The following TOX3 variants were observed in gnomAD, a reference collection of about 807,000 sequenced individuals.
TOX3 encodes the protein CAG trinucleotide repeat-containing gene F9 protein.
Under a neutral mutation model 64.3 loss-of-function variants are expected in TOX3, and 22 were observed. The ratio of observed to expected loss-of-function variants is 0.34; its 90% CI spans 0.24 to 0.49. TOX3 has a LOEUF of 0.49. Among genes scored for constraint, TOX3 ranks in the 20% least tolerant of loss-of-function variants. The pLI is 0.99. For missense variants in TOX3, 661 were observed against 714.4 expected (o/e 0.93, Z 0.85); for synonymous variants, 291 against 273.6 (o/e 1.06, Z -0.63).
At chr16:52,506,778 T>G (rs1962173214) in intron 1 of TOX3, among the ~76,000 whole-genome samples, 1 of 152,156 alleles carries the variant, frequency 6.6e-6, no homozygotes, top group Admixed American at 6.5e-5. Context: ...AAAAACATGA[T>G]TGAATCACAT....
At chr16:52,515,862 G>A (rs920835804) in intron 1 of TOX3, among the ~76,000 whole-genome samples, 1 of 152,104 alleles carries the variant, frequency 6.6e-6, no homozygotes, top group Non-Finnish European at 1.5e-5. Context: ...TCCAAAAAGT[G>A]TACAAATTAT....
chr16:52,474,227 A>G, intron 1 of TOX3, among the ~76,000 whole-genome samples: 1 of 152,016 alleles, frequency 6.6e-6, no homozygotes. Context: ...TCATCAGGAG[A>G]TTCTGTTGGC....
chr16:52,468,598 C>T (rs570963050), intron 1 of TOX3, 24 bp from the exon 2 acceptor site: 65 of 1,546,682 alleles, frequency 4.2e-5, no homozygotes, highest in South Asian at 2.0e-4. Context: ...GATTGTTTTA[C>T]GTTAATATGC....
intron 1 of TOX3, among the ~76,000 whole-genome samples, chr16:52,536,125 T>C (rs1306021129): frequency 6.6e-6 from 1 of 152,200 alleles, no homozygotes; most frequent in Non-Finnish European, 1.5e-5. Context: ...ATGTACCATG[T>C]GCATCAAAGT....
intron 2 of TOX3, among the ~76,000 whole-genome samples, chr16:52,465,002 A>ATTTTTTTTTTTTTTTTTTTTTTTTT (rs1340719697): frequency 1.6e-5 from 1 of 60,978 alleles, no homozygotes; most frequent in African/African-American, 7.5e-5. Context: ...GTCTTAATGC[A>ATTTTTTTTTTTTTTTTTTTTTTTTT]TTCTTTTTTT....
At chr16:52,508,631 T>C (rs909051528) in intron 1 of TOX3, among the ~76,000 whole-genome samples, 1 of 152,144 alleles carries the variant, frequency 6.6e-6, no homozygotes, top group African/African-American at 2.4e-5. Context: ...AGATGTATGG[T>C]AAAATTTTAT....
At chr16:52,473,173 G>A (rs978644463) in intron 1 of TOX3, among the ~76,000 whole-genome samples, 2 of 152,088 alleles carry the variant, frequency 1.3e-5, no homozygotes, top group African/African-American at 2.4e-5. Flanking sequence ...CAAAGCGGCC[G>A]GAAGAAAGTG....
At chr16:52,507,324 GC>G (rs1465894743) in intron 1 of TOX3, among the ~76,000 whole-genome samples, 2 of 152,218 alleles carry the variant, frequency 1.3e-5, no homozygotes, top group African/African-American at 4.8e-5. Flanking sequence ...ATTTTGGTAG[GC>G]CAAGGCAGAA....
In TOX3 at chr16:52,439,131, T is replaced by A; in HGVS notation, c.*94A>T. 1 of 1,566,894 alleles carries A rather than the reference T, an allele frequency of 6.4e-7. No individual in the cohort carries two copies. The highest frequency in any genetic ancestry group is 1.3e-5 in the African/African-American group (1 of 74,292). On this transcript the variant is annotated 3_prime_UTR_variant, in exon 7 of 7. Transcript: ENST00000219746. ...GTTTGATCTGTTACACATTTCTGCA[T>A]AACCAACACCAACTTACAGGTTTCA...
chr16:52,465,559 C>T (rs1285095868), intron 2 of TOX3, among the ~76,000 whole-genome samples: 5 of 126,134 alleles, frequency 4.0e-5, no homozygotes, highest in Non-Finnish European at 7.9e-5. Context: ...ACTTATAGTT[C>T]ATTTACTATT....
intron 1 of TOX3, among the ~76,000 whole-genome samples, chr16:52,473,123 A>G (rs1961097444): frequency 6.6e-6 from 1 of 152,210 alleles, no homozygotes; most frequent in African/African-American, 2.4e-5. Flanking sequence ...GTGAAGTGCC[A>G]AAGTAAATTA....
chr16:52,440,406 A>G (rs1335418835), intron 6 of TOX3, among the ~76,000 whole-genome samples: 2 of 152,210 alleles, frequency 1.3e-5, no homozygotes, highest in African/African-American at 2.4e-5. Context: ...GGTTCTACCA[A>G]TCCTGGCCTA....
At chr16:52,524,315 A>G (rs530299132) in intron 1 of TOX3, among the ~76,000 whole-genome samples, 1 of 152,376 alleles carries the variant, frequency 6.6e-6, no homozygotes, top group Admixed American at 6.5e-5. Context: ...GTTTTAAAAA[A>G]TAATTCTGAT....
intron 1 of TOX3, among the ~76,000 whole-genome samples, chr16:52,524,157 A>T (rs1962672832): frequency 6.6e-6 from 1 of 152,214 alleles, no homozygotes; most frequent in African/African-American, 2.4e-5. Context: ...GGACATTAAG[A>T]TGCCATAAGC....
In TOX3 at chr16:52,463,960, C is replaced by T. The variant is rs16951186; in HGVS notation, c.382G>A (p.Val128Met). 0.019 allele frequency: 29,782 copies of T among 1,576,708 alleles called. 1,577 individuals are homozygous for T. The African/African-American group carries it at 0.2, about 10-fold the overall frequency. ...ATATGCAACCCACTGCTATGAAGCA[C>T]GCCATCTTGTTCCACGAGATTTCTT... is the stretch of plus-strand genomic sequence containing the variant. Reference protein sequence around the residue: ...ISRNLVEQDGVLHSSGLHMDQ... With the variant: ...ISRNLVEQDGMLHSSGLHMDQ... The change falls in exon 3 of 7, where the codon GTG (valine) becomes ATG (methionine). Residue 128 changes from valine (V) to methionine (M), a missense_variant. Val to Met is a conservative substitution (Grantham distance 21). Transcript: ENST00000219746.
intron 1 of TOX3, among the ~76,000 whole-genome samples, chr16:52,512,809 G>C (rs968791511): frequency 2.0e-5 from 3 of 151,964 alleles, no homozygotes; most frequent in African/African-American, 2.4e-5. Context: ...AATGTGGCTG[G>C]CATGTTATTA....
At chr16:52,493,761 A>G (rs1961764139) in intron 1 of TOX3, among the ~76,000 whole-genome samples, 1 of 152,148 alleles carries the variant, frequency 6.6e-6, no homozygotes, top group South Asian at 2.1e-4. Flanking sequence ...TTTCCTACAA[A>G]GTCTCCCTTT....
chr16:52,506,679 T>C (rs1319979842), intron 1 of TOX3, among the ~76,000 whole-genome samples: 1 of 152,080 alleles, frequency 6.6e-6, no homozygotes, highest in Non-Finnish European at 1.5e-5. Context: ...ACAGGAAGGG[T>C]GCAGATAAGA....
rs150481970 is a variant in TOX3, at chr16:52,500,881, T to C, written c.88-32307A>G. ...CTACTATTATTACCATGCCCATTTATAGCTAACTTGTCCACAGTTACACAC... is the reference window on the plus strand; with the variant it reads ...CTACTATTATTACCATGCCCATTTACAGCTAACTTGTCCACAGTTACACAC... On this transcript the variant is annotated intron_variant, in intron 1 of 6. Coordinates refer to ENST00000219746, the MANE Select transcript of TOX3 (RefSeq NM_001080430.4). Among the ~76,000 whole-genome samples, 124 of 152,378 alleles carry C rather than the reference T, an allele frequency of 8.1e-4. 1 individual carries two copies. Among genetic ancestry groups the C allele is most frequent in the African/African-American group, 2.9e-3 (120 of 41,586 alleles).
Sources: allele counts gnomAD v4.1 joint callset (sites outside exome capture counted in the v4.1 genomes callset), GRCh38; gene constraint gnomAD v4.1.1; transcripts MANE v1.5; gene names NCBI Gene and HGNC (gene_info 2026-07-23, HGNC 2026-07-21).